The following SPAG17 variants were observed in gnomAD, a reference collection of about 807,000 sequenced individuals.
SPAG17 encodes the protein sperm associated antigen 17.
SPAG17 carries 169 observed loss-of-function variants against 273.6 expected under a neutral mutation model. That is an observed-to-expected ratio of 0.62 (90% CI 0.55 to 0.70). The LOEUF is 0.70. Ranked by LOEUF, SPAG17 falls within the 30% of genes least tolerant of loss-of-function variation. The probability of loss-of-function intolerance (pLI) is 0.00; values close to 1 mark genes in which losing one functional copy is unlikely to be tolerated. For missense variants in SPAG17, 2,557 were observed against 2,627.8 expected (o/e 0.97, Z 0.59); for synonymous variants, 825 against 873.2 (o/e 0.94, Z 0.97).
At chr1:118,132,506 T>C (rs2102300783) in intron 3 of SPAG17, among the ~76,000 whole-genome samples, 1 of 152,334 alleles carries the variant, frequency 6.6e-6, no homozygotes, top group East Asian at 1.9e-4. Context: ...CCAGGCTTTA[T>C]TAGATATTTT....
At chr1:118,007,656 G>A (rs1474437258) in intron 31 of SPAG17, among the ~76,000 whole-genome samples, 3 of 152,176 alleles carry the variant, frequency 2.0e-5, no homozygotes, top group Admixed American at 2.0e-4. Context: ...ACTGACTGGA[G>A]GTGGGAAGGA....
intron 48 of SPAG17, chr1:117,954,714 G>A (rs1571029021): frequency 7.5e-7 from 1 of 1,342,240 alleles, no homozygotes; most frequent in Admixed American, 2.0e-5. Flanking sequence ...TATGATTTGG[G>A]GATGGATTAT....
chr1:118,132,857 T>C (rs368590510), intron 3 of SPAG17, among the ~76,000 whole-genome samples: 15 of 152,296 alleles, frequency 9.8e-5, no homozygotes, highest in Non-Finnish European at 1.8e-4. Flanking sequence ...CTGCAACCTC[T>C]GCCTCCTGGG....
At chr1:118,011,999 G>T (rs936372345) in intron 30 of SPAG17, among the ~76,000 whole-genome samples, 3 of 151,484 alleles carry the variant, frequency 2.0e-5, no homozygotes, top group African/African-American at 7.3e-5. Flanking sequence ...TCAATTAAAA[G>T]AATAAATTAA....
chr1:118,041,956 A>G lies in SPAG17; in HGVS notation c.2901T>C (p.Gly967=), dbSNP rs1386249044. 4.3e-6 allele frequency: 7 copies of G among 1,613,792 alleles called. No individual in the cohort carries two copies. The highest frequency in any genetic ancestry group is 1.6e-4 in the Middle Eastern group (1 of 6,082). ...CTGCGTTATCCTTGCCTTTCTTTTT[A>G]CCAGCTTCTTTACCCTTCTTCTCTG... ...KKAEKKGKEA[G]KKKGKDNAEK... is the part of the protein sequence containing the mutation. The change falls in exon 21 of 49, where the codon GGT becomes GGC. Residue 967 remains glycine, a synonymous_variant. Coordinates refer to ENST00000336338, the MANE Select transcript of SPAG17 (RefSeq NM_206996.4).
chr1:118,137,067 G>A (rs139218327), intron 3 of SPAG17, among the ~76,000 whole-genome samples: 302 of 152,190 alleles, frequency 2.0e-3, no homozygotes, highest in Non-Finnish European at 3.5e-3. Flanking sequence ...AATCCAGATA[G>A]AGCCTGTATC....
At chr1:118,053,815 A>G (rs1651340665) in intron 20 of SPAG17, among the ~76,000 whole-genome samples, 187 bp downstream of exon 20, 1 of 151,990 alleles carries the variant, frequency 6.6e-6, no homozygotes, top group Non-Finnish European at 1.5e-5. Context: ...AAACGCACAA[A>G]TAGCACAAAT....
rs576645422 is a variant in SPAG17, at chr1:118,139,387, T to C, written c.315+11156A>G. ...AAGAATATAAGTTACGACAGCCCAT[T>C]ATGGAAAACACTATGGAGGGTCCTC... On this transcript the variant is annotated intron_variant, in intron 3 of 48. Transcript: ENST00000336338. Among the ~76,000 whole-genome samples, 4 of 152,240 alleles carry C rather than the reference T, an allele frequency of 2.6e-5. No individual in the cohort carries two copies. In the South Asian group the frequency reaches 8.3e-4, roughly 32 times the overall value.
At chr1:118,040,486 T>C (rs1247694976) in intron 22 of SPAG17, among the ~76,000 whole-genome samples, 2 of 152,166 alleles carry the variant, frequency 1.3e-5, no homozygotes, top group Non-Finnish European at 2.9e-5. Flanking sequence ...AGTATTTTAA[T>C]ATTTTAACAA....
At chr1:118,070,505 T>C (rs941699939) in intron 17 of SPAG17, among the ~76,000 whole-genome samples, 2 of 152,142 alleles carry the variant, frequency 1.3e-5, no homozygotes, top group Non-Finnish European at 2.9e-5. Flanking sequence ...GAATGGGTTC[T>C]AAGAACAGTG....
chr1:118,122,905 G>A (rs1253264478), intron 3 of SPAG17, among the ~76,000 whole-genome samples: 1 of 152,190 alleles, frequency 6.6e-6, no homozygotes, highest in African/African-American at 2.4e-5. Flanking sequence ...GAGCAACTGG[G>A]CAGTGAGACA....
chr1:118,174,509 G>T (rs1171504192), intron 1 of SPAG17, among the ~76,000 whole-genome samples: 2 of 152,164 alleles, frequency 1.3e-5, no homozygotes, highest in African/African-American at 2.4e-5. Context: ...ACCAGTAGAT[G>T]CATATGGAAA....
rs150002804 is a variant in SPAG17, at chr1:118,141,496, G to A, written c.315+9047C>T. Among the ~76,000 whole-genome samples, 315 of 152,260 alleles carry A rather than the reference G, an allele frequency of 2.1e-3. 4 individuals carry two copies. Among genetic ancestry groups the A allele is most frequent in the African/African-American group, 7.2e-3 (299 of 41,548 alleles). ...TTAAAATAAATGTCTAGGTAATAAA[G>A]CAAATCTTTATCCATTATATACAAT... is the stretch of plus-strand genomic sequence containing the variant. On this transcript the variant is annotated intron_variant, in intron 3 of 48. Coordinates refer to ENST00000336338, the MANE Select transcript of SPAG17 (RefSeq NM_206996.4).
chr1:117,991,345 G>A (rs1396635045), intron 37 of SPAG17, 70 bp downstream of exon 37: 10 of 911,464 alleles, frequency 1.1e-5, no homozygotes, highest in African/African-American at 1.0e-4. Flanking sequence ...TATTTCTTAC[G>A]ATATTTTGTC....
chr1:118,020,146 G>A (rs948323179), intron 28 of SPAG17, among the ~76,000 whole-genome samples: 2 of 152,150 alleles, frequency 1.3e-5, no homozygotes, highest in South Asian at 4.1e-4. Context: ...AAGAGTCATT[G>A]CAGGCCAGGC....
rs778130440 is a variant in SPAG17 at position 117,996,718 on chromosome 1, G to T, written c.4802C>A (p.Thr1601Asn). 3.7e-6 allele frequency: 6 copies of T among 1,611,046 alleles called. No homozygotes were observed. The South Asian group carries it at 5.5e-5, about 15-fold the overall frequency. Residue 1601 changes from threonine (T) to asparagine (N), a missense_variant, in exon 33 of 49, where the codon ACT (threonine) becomes AAT (asparagine). Coordinates refer to ENST00000336338, the MANE Select transcript of SPAG17 (RefSeq NM_206996.4). ...TTCCAATTTTTTTTCAGGTAATATAGTTGATATGCTACCATCAGCCATGAC... is the reference window on the plus strand; with the variant it reads ...TTCCAATTTTTTTTCAGGTAATATATTTGATATGCTACCATCAGCCATGAC... ...FQVMADGSIS[T>N]ILPEKKLEDD...
intron 20 of SPAG17, among the ~76,000 whole-genome samples, chr1:118,048,980 A>C (rs930883873): frequency 6.6e-6 from 1 of 152,218 alleles, no homozygotes; most frequent in African/African-American, 2.4e-5. Flanking sequence ...ATAACCTAGA[A>C]GGAATGGATA....
At chr1:117,954,195 G>A in intron 48 of SPAG17, 146 bp from the exon 49 acceptor site, 1 of 995,604 alleles carries the variant, frequency 1.0e-6, no homozygotes, top group Non-Finnish European at 1.5e-6. Context: ...ATCAGGATAT[G>A]CAATAAATGG....
At chr1:118,094,631 C>T (rs1322188954) in intron 7 of SPAG17, among the ~76,000 whole-genome samples, 1 of 152,184 alleles carries the variant, frequency 6.6e-6, no homozygotes, top group Admixed American at 6.5e-5. Context: ...ATTTGATCTG[C>T]TTCTACTAGG....
Sources: allele counts gnomAD v4.1 joint callset (sites outside exome capture counted in the v4.1 genomes callset), GRCh38; gene constraint gnomAD v4.1.1; transcripts MANE v1.5; gene names NCBI Gene and HGNC (gene_info 2026-07-23, HGNC 2026-07-21).